Variants in PPP1R42 observed in about 807,000 individuals in gnomAD.
The protein encoded by PPP1R42 is leucine rich repeat containing 67.
In PPP1R42, 34 loss-of-function variants were observed where a neutral mutation model predicts 31.0. That is an observed-to-expected ratio of 1.10 (90% CI 0.83 to 1.46). The LOEUF is 1.46. Ranked by LOEUF, PPP1R42 falls within the 40% of genes most tolerant of loss-of-function variation. PPP1R42 has a pLI of 0.00. For missense variants in PPP1R42, 268 were observed against 303.0 expected (o/e 0.88, Z 0.86); for synonymous variants, 103 against 109.8 (o/e 0.94, Z 0.39).
At chr8:67,007,598 C>T (rs1000977960) in intron 5 of PPP1R42, among the ~76,000 whole-genome samples, 1 of 152,192 alleles carries the variant, frequency 6.6e-6, no homozygotes, top group Non-Finnish European at 1.5e-5. Context: ...CGGCCTGCCT[C>T]GGCCTTCCAA....
At chr8:67,000,056 T>G (rs1044856318) in intron 5 of PPP1R42, among the ~76,000 whole-genome samples, 31 of 152,176 alleles carry the variant, frequency 2.0e-4, no homozygotes, top group Admixed American at 1.1e-3. Flanking sequence ...TCATTGATTT[T>G]TCTCTAATGG....
intron 1 of PPP1R42, among the ~76,000 whole-genome samples, chr8:67,018,617 ATTC>A: frequency 6.6e-6 from 1 of 150,936 alleles, no homozygotes; most frequent in Middle Eastern, 3.5e-3. Context: ...GGTTCAAACA[ATTC>A]TCCTGCCTCA....
intron 5 of PPP1R42, among the ~76,000 whole-genome samples, chr8:67,007,911 G>A (rs1585672944): frequency 7.4e-6 from 1 of 134,400 alleles, no homozygotes; most frequent in African/African-American, 2.8e-5. Flanking sequence ...TTTTTGAGAC[G>A]GAGTCTTGCT....
intron 7 of PPP1R42, among the ~76,000 whole-genome samples, chr8:66,976,281 TTA>T (rs1814670505): frequency 2.0e-5 from 3 of 152,158 alleles, no homozygotes; most frequent in Non-Finnish European, 2.9e-5. Flanking sequence ...TGACTCTGCG[TTA>T]TGGTGAATTA....
intron 5 of PPP1R42, among the ~76,000 whole-genome samples, chr8:67,005,233 A>G (rs1815638242): frequency 6.6e-6 from 1 of 150,984 alleles, no homozygotes; most frequent in African/African-American, 2.4e-5. Context: ...CTATCCAGGC[A>G]TTCTTTAAAC....
chr8:67,003,166 C>CAA (rs529377387), intron 5 of PPP1R42, among the ~76,000 whole-genome samples: 40 of 57,582 alleles, frequency 6.9e-4, no homozygotes, highest in Admixed American at 2.2e-3. Context: ...AACTCCGTCT[C>CAA]AAAAAAAAAA....
intron 7 of PPP1R42, among the ~76,000 whole-genome samples, chr8:66,976,714 C>T (rs540754609): frequency 3.3e-5 from 5 of 152,042 alleles, no homozygotes; most frequent in African/African-American, 7.2e-5. Flanking sequence ...CATTTCCATC[C>T]GCGTTGTTGC....
chr8:67,009,348 C>T (rs544406142), intron 5 of PPP1R42, among the ~76,000 whole-genome samples: 152 of 151,514 alleles, frequency 1.0e-3, no homozygotes, highest in Non-Finnish European at 1.7e-3. Context: ...TGGGCAGATC[C>T]CCTGAGGTCA....
intron 1 of PPP1R42, among the ~76,000 whole-genome samples, chr8:67,025,860 C>T (rs1302904667): frequency 6.6e-6 from 1 of 151,420 alleles, no homozygotes; most frequent in Non-Finnish European, 1.5e-5. Context: ...CAAAAATTAG[C>T]TGGGCGTGGT....
At chr8:67,018,978 C>T (rs1163604593) in intron 1 of PPP1R42, among the ~76,000 whole-genome samples, 1 of 151,332 alleles carries the variant, frequency 6.6e-6, no homozygotes, top group Non-Finnish European at 1.5e-5. Flanking sequence ...TATAGGCACA[C>T]GCCGCCATGC....
intron 5 of PPP1R42, among the ~76,000 whole-genome samples, chr8:66,992,349 C>T (rs1815211818): frequency 6.6e-6 from 1 of 152,112 alleles, no homozygotes; most frequent in African/African-American, 2.4e-5. Flanking sequence ...TGGATCTTTT[C>T]AAACCGCTAA....
chr8:67,026,181 C>A (rs1026039844), intron 1 of PPP1R42, among the ~76,000 whole-genome samples: 1 of 145,948 alleles, frequency 6.9e-6, no homozygotes, highest in African/African-American at 2.5e-5. Flanking sequence ...ACTAAAAATA[C>A]AAAAAAATTA....
chr8:66,983,106 G>A (rs1272302373), intron 6 of PPP1R42, among the ~76,000 whole-genome samples: 2 of 152,066 alleles, frequency 1.3e-5, no homozygotes, highest in African/African-American at 4.8e-5. Context: ...TTTGCAAGTT[G>A]TAAGACATTT....
intron 5 of PPP1R42, among the ~76,000 whole-genome samples, chr8:67,010,246 G>A (rs183134235): frequency 2.6e-5 from 4 of 152,264 alleles, no homozygotes; most frequent in Non-Finnish European, 5.9e-5. Context: ...AATGAATATG[G>A]CATGATATGA....
intron 1 of PPP1R42, among the ~76,000 whole-genome samples, chr8:67,026,370 G>A (rs1299461335): frequency 6.6e-6 from 1 of 151,978 alleles, no homozygotes; most frequent in Non-Finnish European, 1.5e-5. Flanking sequence ...AATGTGACAA[G>A]GTAAAGGAGC....
intron 6 of PPP1R42, among the ~76,000 whole-genome samples, chr8:66,983,381 G>A (rs1368621827): frequency 1.3e-5 from 2 of 151,690 alleles, no homozygotes; most frequent in East Asian, 3.9e-4. Flanking sequence ...CCTTATTATA[G>A]GATATTTATA....
intron 5 of PPP1R42, among the ~76,000 whole-genome samples, chr8:66,999,883 C>T (rs963352784): frequency 1.3e-5 from 2 of 152,164 alleles, no homozygotes; most frequent in South Asian, 4.1e-4. Context: ...AAGCTGCCAA[C>T]CTTATGGCAT....
chr8:67,003,915 C>T (rs942679082), intron 5 of PPP1R42, among the ~76,000 whole-genome samples: 6 of 151,986 alleles, frequency 3.9e-5, no homozygotes, highest in Non-Finnish European at 7.4e-5. Flanking sequence ...ACGGTGAAAC[C>T]CCGTCTCTAC....
chr8:66,969,483 A>G (rs1814479839), intron 7 of PPP1R42, among the ~76,000 whole-genome samples: 3 of 152,208 alleles, frequency 2.0e-5, no homozygotes, highest in African/African-American at 7.2e-5. Flanking sequence ...GAGAGGAGGC[A>G]AGACCAAAAC....
Sources: allele counts gnomAD v4.1 joint callset (sites outside exome capture counted in the v4.1 genomes callset), GRCh38; gene constraint gnomAD v4.1.1; transcripts MANE v1.5; gene names NCBI Gene and HGNC (gene_info 2026-07-23, HGNC 2026-07-21).